Variants in GALNTL6 observed in about 807,000 individuals in gnomAD.
The protein encoded by GALNTL6 is polypeptide N-acetylgalactosaminyltransferase like 6.
A neutral mutation model predicts 73.7 loss-of-function variants in GALNTL6; 46 were observed. The observed-to-expected ratio is 0.62, with a 90% confidence interval of 0.49 to 0.80. The LOEUF is 0.80. Ranked by LOEUF, GALNTL6 falls within the 30% of genes least tolerant of loss-of-function variation. GALNTL6 has a pLI of 0.00. For synonymous variants in GALNTL6, 259 were observed against 263.7 expected (o/e 0.98, Z 0.17); for missense variants, 604 against 755.0 (o/e 0.80, Z 2.34).
intron 2 of GALNTL6, among the ~76,000 whole-genome samples, chr4:172,187,694 G>T (rs1735455047): frequency 6.6e-6 from 1 of 151,956 alleles, no homozygotes; most frequent in South Asian, 2.1e-4. Flanking sequence ...ATTCACTAAG[G>T]ATAATGGATA....
intron 5 of GALNTL6, among the ~76,000 whole-genome samples, chr4:172,551,899 G>A (rs1021323041): frequency 1.3e-5 from 2 of 152,180 alleles, no homozygotes; most frequent in South Asian, 2.1e-4. Context: ...ATTCATGCAA[G>A]AATGTAAAGA....
intron 2 of GALNTL6, among the ~76,000 whole-genome samples, chr4:171,878,455 T>C (rs1736340647): frequency 2.0e-5 from 3 of 152,210 alleles, no homozygotes; most frequent in South Asian, 4.1e-4. Context: ...CATTGCTTTT[T>C]TTCATCTATT....
chr4:173,019,177 T>G (rs1182017227), intron 11 of GALNTL6, among the ~76,000 whole-genome samples: 1 of 152,060 alleles, frequency 6.6e-6, no homozygotes, highest in Non-Finnish European at 1.5e-5. Flanking sequence ...GACCACCAAT[T>G]AAACCAAAAT....
At chr4:171,960,649 A>G (rs1414126233) in intron 2 of GALNTL6, among the ~76,000 whole-genome samples, 1 of 148,378 alleles carries the variant, frequency 6.7e-6, no homozygotes, top group East Asian at 2.0e-4. Context: ...GTATATATAA[A>G]TTTTTTTAAA....
At chr4:172,287,161 A>G (rs1739287457) in intron 3 of GALNTL6, among the ~76,000 whole-genome samples, 1 of 152,204 alleles carries the variant, frequency 6.6e-6, no homozygotes, top group South Asian at 2.1e-4. Flanking sequence ...CTTGGAAAAC[A>G]ATTTTTCTTT....
intron 8 of GALNTL6, among the ~76,000 whole-genome samples, chr4:172,908,291 T>C (rs1040919424): frequency 6.6e-6 from 1 of 152,218 alleles, no homozygotes; most frequent in African/African-American, 2.4e-5. Context: ...ACTACTGTAT[T>C]TAGCATGATT....
chr4:172,375,932 G>A (rs1211997098), intron 5 of GALNTL6, among the ~76,000 whole-genome samples: 1 of 152,158 alleles, frequency 6.6e-6, no homozygotes, highest in Non-Finnish European at 1.5e-5. Context: ...CCTGAGGGAG[G>A]GAAGGGATCT....
At chr4:172,487,511 C>T (rs337986) in intron 5 of GALNTL6, among the ~76,000 whole-genome samples, 16,374 of 151,698 alleles carry the variant, frequency 0.11, 954 homozygotes, top group East Asian at 0.23. Context: ...CTTAGCCTCT[C>T]GAGTAGCTGG....
chr4:171,827,133 T>C (rs1369421253), intron 2 of GALNTL6, among the ~76,000 whole-genome samples: 1 of 152,104 alleles, frequency 6.6e-6, no homozygotes, highest in Non-Finnish European at 1.5e-5. Context: ...TAGGCAGAGA[T>C]AAAAAAGTTC....
chr4:172,556,015 T>A (rs1392288632), intron 5 of GALNTL6, among the ~76,000 whole-genome samples: 3 of 152,066 alleles, frequency 2.0e-5, no homozygotes, highest in Non-Finnish European at 2.9e-5. Flanking sequence ...TGTATTTAAA[T>A]TTGCAAACTC....
At chr4:172,000,844 G>T (rs1740653016) in intron 2 of GALNTL6, among the ~76,000 whole-genome samples, 1 of 152,088 alleles carries the variant, frequency 6.6e-6, no homozygotes, top group Non-Finnish European at 1.5e-5. Context: ...GTGTAGCATA[G>T]GTAGAGAAAC....
intron 5 of GALNTL6, among the ~76,000 whole-genome samples, chr4:172,354,006 G>A (rs148534980): frequency 3.3e-5 from 5 of 152,158 alleles, no homozygotes; most frequent in East Asian, 3.9e-4. Flanking sequence ...ACAACTATTC[G>A]AAGTTGGAAG....
At chr4:172,934,143 G>A (rs1269687806) in intron 9 of GALNTL6, among the ~76,000 whole-genome samples, 1 of 152,198 alleles carries the variant, frequency 6.6e-6, no homozygotes, top group Non-Finnish European at 1.5e-5. Context: ...CTGCTTAAAT[G>A]TATCGTAAGG....
At chr4:172,123,500 ATT>A (rs67067629) in intron 2 of GALNTL6, among the ~76,000 whole-genome samples, 2 of 115,414 alleles carry the variant, frequency 1.7e-5, no homozygotes, top group Admixed American at 1.0e-4. Context: ...AAAAGTCATA[ATT>A]TTTTTTTTTT....
intron 10 of GALNTL6, among the ~76,000 whole-genome samples, chr4:173,006,889 T>C (rs1752323671): frequency 6.6e-6 from 1 of 152,220 alleles, no homozygotes; most frequent in Non-Finnish European, 1.5e-5. Flanking sequence ...GAGAAATCTG[T>C]AGGCAAAACC....
At chr4:172,102,056 A>G (rs1025097591) in intron 2 of GALNTL6, among the ~76,000 whole-genome samples, 3 of 152,170 alleles carry the variant, frequency 2.0e-5, no homozygotes, top group African/African-American at 7.2e-5. Context: ...AAAAGGTGAA[A>G]AAAAGTCCTG....
At chr4:171,959,549 G>GTA (rs148812898) in intron 2 of GALNTL6, among the ~76,000 whole-genome samples, 5,956 of 152,158 alleles carry the variant, frequency 0.039, 371 homozygotes, top group African/African-American at 0.14. Context: ...TTTAGAATTT[G>GTA]TATATACATA....
At chr4:172,530,645 A>G (rs944448280) in intron 5 of GALNTL6, among the ~76,000 whole-genome samples, 1 of 152,212 alleles carries the variant, frequency 6.6e-6, no homozygotes, top group Non-Finnish European at 1.5e-5. Context: ...GATTATAAGC[A>G]TCAGTAGTTC....
chr4:172,917,237 A>G (rs1747569631), intron 8 of GALNTL6, among the ~76,000 whole-genome samples: 1 of 152,218 alleles, frequency 6.6e-6, no homozygotes, highest in South Asian at 2.1e-4. Context: ...CACCTTATAC[A>G]AATATTAATT....
Sources: gnomAD v4.1 joint callset for allele counts (sites outside exome capture counted in the v4.1 genomes callset) on GRCh38, gnomAD v4.1.1 for gene constraint, MANE v1.5 for transcripts, NCBI Gene and HGNC (gene_info 2026-07-23, HGNC 2026-07-21) for gene names.